Variants in EIF3H observed in about 807,000 individuals in gnomAD.
EIF3H encodes eIF-3-gamma.
In EIF3H, 26 loss-of-function variants were observed where a neutral mutation model predicts 44.2. The ratio of observed to expected loss-of-function variants is 0.59; its 90% CI spans 0.43 to 0.82. EIF3H has a LOEUF of 0.82. Among genes scored for constraint, EIF3H ranks in the 40% least tolerant of loss-of-function variants. EIF3H has a pLI of 0.00. For missense variants in EIF3H, 359 were observed against 432.8 expected (o/e 0.83, Z 1.51); for synonymous variants, 166 against 151.9 (o/e 1.09, Z -0.68).
chr8:116,721,774 TG>T (rs1288256450), intron 2 of EIF3H, among the ~76,000 whole-genome samples: 3 of 152,266 alleles, frequency 2.0e-5, no homozygotes, highest in Non-Finnish European at 4.4e-5. Context: ...AAGACTTGCC[TG>T]GGGCCTTCAG....
intron 2 of EIF3H, among the ~76,000 whole-genome samples, chr8:116,662,867 G>A (rs1813605073): frequency 6.6e-6 from 1 of 152,192 alleles, no homozygotes; most frequent in Admixed American, 6.5e-5. Context: ...GTTTTACACA[G>A]AAAATAAGAA....
At chr8:116,717,405 A>C (rs1453551595) in intron 2 of EIF3H, among the ~76,000 whole-genome samples, 1 of 152,164 alleles carries the variant, frequency 6.6e-6, no homozygotes, top group Non-Finnish European at 1.5e-5. Flanking sequence ...ACAATCCTAA[A>C]ATTCATATGG....
intron 1 of EIF3H, among the ~76,000 whole-genome samples, chr8:116,747,345 C>T (rs536408626): frequency 3.3e-5 from 5 of 152,220 alleles, no homozygotes; most frequent in East Asian, 3.9e-4. Flanking sequence ...GGATTACAGG[C>T]GGGAGCACGG....
chr8:116,644,954 T>C lies in EIF3H; in HGVS notation c.*52A>G. The C allele has an allele frequency of 1.4e-6, 2 of 1,390,386 alleles. No homozygotes were observed. The highest frequency in any genetic ancestry group is 2.0e-6 in the Non-Finnish European group (2 of 982,508). The allele number at this position is 1,390,386 out of a possible 1,614,324, so 86.1% of individuals were successfully genotyped here. A position where few individuals can be genotyped will look rare whatever the true frequency, so the allele number is the denominator to read the frequency against. On this transcript the variant is annotated 3_prime_UTR_variant, in exon 8 of 8. Transcript: ENST00000521861. ...AATATATTTCTTCCAAGAGTTGCCCTGGTGTGACTTCAAGAGTTCATGTTA... is the reference window on the plus strand; with the variant it reads ...AATATATTTCTTCCAAGAGTTGCCCCGGTGTGACTTCAAGAGTTCATGTTA...
At chr8:116,671,797 A>G (rs891428080) in intron 2 of EIF3H, among the ~76,000 whole-genome samples, 3 of 152,220 alleles carry the variant, frequency 2.0e-5, no homozygotes, top group East Asian at 1.9e-4. Flanking sequence ...TAAACAAACT[A>G]TCTCTGTCAA....
intron 2 of EIF3H, among the ~76,000 whole-genome samples, chr8:116,674,332 G>T (rs1813811506): frequency 7.5e-6 from 1 of 133,440 alleles, no homozygotes; most frequent in African/African-American, 2.7e-5. Context: ...GGGGGGGGGT[G>T]GGGGGGAAGG....
At chr8:116,709,368 T>A (rs927491884) in intron 2 of EIF3H, among the ~76,000 whole-genome samples, 1 of 152,196 alleles carries the variant, frequency 6.6e-6, no homozygotes, top group Non-Finnish European at 1.5e-5. Context: ...ACAGAAACCA[T>A]CGTGGCTTTG....
chr8:116,675,840 T>C (rs550817321), intron 2 of EIF3H, among the ~76,000 whole-genome samples: 4 of 152,328 alleles, frequency 2.6e-5, no homozygotes, highest in South Asian at 2.1e-4. Context: ...TTATGGTACA[T>C]ATACAACCTT....
intron 1 of EIF3H, among the ~76,000 whole-genome samples, chr8:116,752,769 G>A (rs1815376567): frequency 2.1e-5 from 1 of 47,056 alleles, no homozygotes; most frequent in South Asian, 7.7e-4. Flanking sequence ...GGGAGGGAGG[G>A]AGGGAGGGAG....
chr8:116,699,424 T>C (rs557421508), intron 2 of EIF3H, among the ~76,000 whole-genome samples: 1 of 152,338 alleles, frequency 6.6e-6, no homozygotes, highest in African/African-American at 2.4e-5. Context: ...TGCATGCCAT[T>C]ATCCTAAGCA....
chr8:116,704,343 G>T (rs1814432191), intron 2 of EIF3H, among the ~76,000 whole-genome samples: 1 of 152,216 alleles, frequency 6.6e-6, no homozygotes, highest in African/African-American at 2.4e-5. Flanking sequence ...CATGACACGT[G>T]CTCAACGAAT....
chr8:116,751,499 A>C (rs996953078), intron 1 of EIF3H, among the ~76,000 whole-genome samples: 20 of 152,188 alleles, frequency 1.3e-4, no homozygotes, highest in Non-Finnish European at 2.4e-4. Flanking sequence ...AGGCTGTGGA[A>C]AATTCTAGAA....
chr8:116,686,555 A>C (rs1429428879), intron 2 of EIF3H, among the ~76,000 whole-genome samples: 1 of 151,896 alleles, frequency 6.6e-6, no homozygotes, highest in Non-Finnish European at 1.5e-5. Context: ...TCTAGGATCT[A>C]TGGTAAAAGC....
chr8:116,746,226 A>C (rs1295079295), intron 1 of EIF3H, among the ~76,000 whole-genome samples: 5 of 152,214 alleles, frequency 3.3e-5, no homozygotes, highest in Admixed American at 1.3e-4. Context: ...AGAAGTCTGT[A>C]AGACACCTGA....
At chr8:116,724,380 A>T (rs1814798932) in intron 2 of EIF3H, among the ~76,000 whole-genome samples, 1 of 152,212 alleles carries the variant, frequency 6.6e-6, no homozygotes, top group South Asian at 2.1e-4. Flanking sequence ...GCTTCATGAC[A>T]TTGGATTTGG....
At chr8:116,725,567 A>G (rs547378514) in intron 2 of EIF3H, among the ~76,000 whole-genome samples, 3 of 152,336 alleles carry the variant, frequency 2.0e-5, no homozygotes, top group South Asian at 2.1e-4. Flanking sequence ...AACTACACCT[A>G]TAGTACAAAA....
chr8:116,679,858 T>G (rs1190593335), intron 2 of EIF3H, among the ~76,000 whole-genome samples: 14 of 1,326 alleles, frequency 0.011, no homozygotes, highest in African/African-American at 0.023. Context: ...GGGAGGGAGG[T>G]GGGGGGGGTC....
At chr8:116,672,592 T>C (rs913006895) in intron 2 of EIF3H, among the ~76,000 whole-genome samples, 3 of 151,418 alleles carry the variant, frequency 2.0e-5, no homozygotes, top group Non-Finnish European at 2.9e-5. Flanking sequence ...ATCATGCCAC[T>C]GCACTCCAGC....
intron 2 of EIF3H, among the ~76,000 whole-genome samples, chr8:116,685,348 A>G (rs1443142235): frequency 2.6e-5 from 4 of 152,210 alleles, no homozygotes; most frequent in African/African-American, 9.6e-5. Context: ...AGAACTAGGT[A>G]GCAAGAAGCC....
Sources: gnomAD v4.1 joint callset for allele counts (sites outside exome capture counted in the v4.1 genomes callset) on GRCh38, gnomAD v4.1.1 for gene constraint, MANE v1.5 for transcripts, NCBI Gene and HGNC (gene_info 2026-07-23, HGNC 2026-07-21) for gene names.